MUC17: variants seen among roughly 807,000 people sequenced by gnomAD.
The protein encoded by MUC17 is mucin 17, cell surface associated, also known as mucin-17.
MUC17 carries 190 observed loss-of-function variants against 170.3 expected under a neutral mutation model. The observed-to-expected ratio is 1.12, with a 90% confidence interval of 0.99 to 1.26. The LOEUF is 1.26. Ranked by LOEUF, MUC17 falls within the 50% of genes most tolerant of loss-of-function variation. The pLI, the probability that MUC17 is intolerant of heterozygous loss-of-function variation, is 0.00. For missense variants in MUC17, 6,415 were observed against 5,530.0 expected (o/e 1.16, Z -5.08); for synonymous variants, 2,325 against 2,002.5 (o/e 1.16, Z -4.30).
At chr7:101,031,028 C>T (rs80250975) in intron 1 of MUC17, 92 bp from the exon 2 acceptor site, 116,206 of 1,430,440 alleles carry the variant, frequency 0.081, 5,489 homozygotes, top group Middle Eastern at 0.095. Flanking sequence ...GGGCCAGGGA[C>T]TTTCCAGGGC....
In MUC17 at chr7:101,048,880, A is replaced by G. The variant is rs1168828101; in HGVS notation, c.12571A>G (p.Thr4191Ala). 4.3e-6 allele frequency: 7 copies of G among 1,613,990 alleles called. No homozygotes were observed. The highest frequency in any genetic ancestry group is 5.9e-6 in the Non-Finnish European group (7 of 1,180,028). ...GACTATCTCTGCCCAAATGGAACTG[A>G]CTGTGACAGTGACCAGTGTGAAGTT... ...PETISAQMEL[T>A]VTVTSVKFTE... The change falls in exon 5 of 13, where the codon ACT becomes GCT. Residue 4191 changes from threonine to alanine, a missense_variant. Coordinates refer to ENST00000306151, the MANE Select transcript of MUC17 (RefSeq NM_001040105.2).
rs1411880372 is a variant in MUC17, at chr7:101,038,848, A to G, written c.7432A>G (p.Thr2478Ala). The change falls in exon 3 of 13, where the codon ACA becomes GCA. Residue 2478 changes from threonine (T) to alanine (A), a missense_variant. Physicochemically the swap from Thr to Ala is moderately conservative, Grantham distance 58. Coordinates refer to ENST00000306151, the MANE Select transcript of MUC17 (RefSeq NM_001040105.2). ...VVSSEAGTLS[T>A]TPVDTSTPMT... ...CAGTTCTGAGGCTGGCACCCTTTCCACAACTCCTGTTGACACCAGCACACC... is the reference window on the plus strand; with the variant it reads ...CAGTTCTGAGGCTGGCACCCTTTCCGCAACTCCTGTTGACACCAGCACACC... 1 of 1,612,744 alleles carries G rather than the reference A, an allele frequency of 6.2e-7. No homozygotes were observed. The highest frequency in any genetic ancestry group is 1.1e-5 in the South Asian group (1 of 90,900).
In MUC17 at chr7:101,033,067, T is replaced by A. The variant is rs751364335; in HGVS notation, c.1651T>A (p.Ser551Thr). 8.7e-6 allele frequency: 14 copies of A among 1,612,492 alleles called. No individual in the cohort carries two copies. Among genetic ancestry groups the A allele is most frequent in the Non-Finnish European group, 1.2e-5 (14 of 1,179,776 alleles). ...GACCACTTCTAGTGAAGCCAGTTCA[T>A]CTTCTACAACTCCTGAAGGTACCAG... ...PVTTSSEASS[S>T]STTPEGTSIP... The change falls in exon 3 of 13, where the codon TCT (serine) becomes ACT (threonine). Residue 551 changes from serine to threonine, a missense_variant. Coordinates refer to ENST00000306151, the MANE Select transcript of MUC17 (RefSeq NM_001040105.2).
chr7:101,036,843 A>C lies in MUC17; in HGVS notation c.5427A>C (p.Pro1809=), dbSNP rs764283298. Residue 1809 remains proline (P), a synonymous_variant, in exon 3 of 13, where the codon CCA becomes CCC. Coordinates refer to ENST00000306151, the MANE Select transcript of MUC17 (RefSeq NM_001040105.2). ...PTSTLSEGMT[P]LTSTPVSHTL... ...CGACTCTTAGTGAAGGAATGACTCC[A>C]TTAACAAGCACACCTGTCAGCCACA... 1.9e-6 allele frequency: 3 copies of C among 1,605,514 alleles called. No homozygotes were observed. The highest frequency in any genetic ancestry group is 2.6e-6 in the Non-Finnish European group (3 of 1,175,622).
intron 12 of MUC17, among the ~76,000 whole-genome samples, chr7:101,057,317 T>A (rs1259710758): frequency 1.3e-5 from 2 of 152,198 alleles, no homozygotes; most frequent in African/African-American, 4.8e-5. Context: ...CGTCTTCAGG[T>A]GCTATGCTCC....
At position 101,034,002 on chromosome 7, in the gene MUC17, A is replaced by G. The variant is rs554342956; in HGVS notation, c.2586A>G (p.Glu862=). The change falls in exon 3 of 13, where the codon GAA becomes GAG. Residue 862 remains glutamate, a synonymous_variant. Transcript: ENST00000306151. ...GTSMPTSTYS[E]GRTPLTSMPV... Reference sequence around the variant, plus strand: ...GCATGCCAACCTCAACTTATAGTGAAGGAAGAACTCCTTTAACAAGTATGC... The same window carrying G: ...GCATGCCAACCTCAACTTATAGTGAGGGAAGAACTCCTTTAACAAGTATGC... 5.0e-6 allele frequency: 8 copies of G among 1,600,010 alleles called. 1 individual carries two copies. In the South Asian group the frequency reaches 7.8e-5, roughly 16 times the overall value.
chr7:101,049,964 C>G (rs1344655660), intron 6 of MUC17, among the ~76,000 whole-genome samples: 2 of 152,082 alleles, frequency 1.3e-5, no homozygotes, highest in African/African-American at 2.4e-5. Context: ...GACCTTGTCT[C>G]TACAAAAAAT....
chr7:101,043,110 T>G lies in MUC17; in HGVS notation c.11694T>G (p.Pro3898=), dbSNP rs1356457832. ...SFPGASIAST[P]PLDTSTTFTP... is the part of the protein sequence containing the mutation. The stretch of plus-strand genomic sequence containing the variant: ...CTGGGGCCAGCATAGCTTCGACACC[T>G]CCTCTTGACACAAGCACAACTTTTA... The change falls in exon 3 of 13, where the codon CCT becomes CCG. Residue 3898 remains proline (P), a synonymous_variant. Transcript: ENST00000306151. 1.2e-6 allele frequency: 2 copies of G among 1,614,006 alleles called. No individual in the cohort carries two copies.
In MUC17 at chr7:101,050,464, G is replaced by A. The variant is rs183373929; in HGVS notation, c.12723-20G>A. ...AAGCACCCTATTCTGACCCCAGGAC[G>A]TCTTCCCTTCCCTCTTCAGTCTTGG... On this transcript the variant is annotated intron_variant, in intron 6 of 12. Coordinates refer to ENST00000306151, the MANE Select transcript of MUC17 (RefSeq NM_001040105.2). 3.2e-5 allele frequency: 51 copies of A among 1,610,120 alleles called. No homozygotes were observed. The highest frequency in any genetic ancestry group is 4.0e-5 in the African/African-American group (3 of 74,952).
chr7:101,056,966 C>G (rs1795056858), intron 12 of MUC17, among the ~76,000 whole-genome samples: 1 of 151,798 alleles, frequency 6.6e-6, no homozygotes, highest in Non-Finnish European at 1.5e-5. Context: ...TTTTAAGAGT[C>G]TAGGATGGTT....
At chr7:101,043,920 C>T in intron 3 of MUC17, 101 bp downstream of exon 3, 2 of 1,146,918 alleles carry the variant, frequency 1.7e-6, no homozygotes, top group Non-Finnish European at 2.4e-6. Flanking sequence ...ATACGTGTGC[C>T]ATGTTGGTTT....
rs1452454803 is a variant in MUC17 at position 101,037,368 on chromosome 7, C to A, written c.5952C>A (p.Ser1984Arg). The change falls in exon 3 of 13, where the codon AGC (serine) becomes AGA (arginine). Residue 1984 changes from serine to arginine, a missense_variant. Coordinates refer to ENST00000306151, the MANE Select transcript of MUC17 (RefSeq NM_001040105.2). ...SMPTPAYSEGSTPLTSMPLST... is the reference protein window; with the variant it reads ...SMPTPAYSEGRTPLTSMPLST... Reference sequence around the variant, plus strand: ...CAACCCCAGCTTATAGTGAAGGAAGCACTCCACTAACAAGTATGCCTCTCA... The same window carrying A: ...CAACCCCAGCTTATAGTGAAGGAAGAACTCCACTAACAAGTATGCCTCTCA... 7 of 1,613,952 alleles carry A rather than the reference C, an allele frequency of 4.3e-6. No homozygotes were observed. The highest frequency in any genetic ancestry group is 5.9e-6 in the Non-Finnish European group (7 of 1,179,930).
At position 101,033,003 on chromosome 7, in the gene MUC17, C is replaced by T; in HGVS notation, c.1587C>T (p.Ser529=). 1 of 1,614,112 alleles carries T rather than the reference C, an allele frequency of 6.2e-7. No homozygotes were observed. The highest frequency in any genetic ancestry group is 8.5e-7 in the Non-Finnish European group (1 of 1,180,034). Residue 529 remains serine, a synonymous_variant, in exon 3 of 13, where the codon AGC becomes AGT. Coordinates refer to ENST00000306151, the MANE Select transcript of MUC17 (RefSeq NM_001040105.2). ...TGCCGGTGGCCAGTTCTGAGGCTAG[C>T]ACCCTTTCAACAACTCCTGTTGACA... ...STMPVASSEA[S]TLSTTPVDTS...
In MUC17 at chr7:101,036,317, C is replaced by T. The variant is rs543560929; in HGVS notation, c.4901C>T (p.Thr1634Ile). The T allele has an allele frequency of 3.7e-6, 6 of 1,613,484 alleles. No homozygotes were observed. The highest frequency in any genetic ancestry group is 4.2e-6 in the Non-Finnish European group (5 of 1,179,858). ...CCTAGTGAAGGAAGTCCTCTATTAA[C>T]AAGTATACCTGTCAGCACCACGCCG... ...STPSEGSPLL[T>I]SIPVSTTPVA... The change falls in exon 3 of 13, where the codon ACA (threonine) becomes ATA (isoleucine). Residue 1634 changes from threonine to isoleucine, a missense_variant. Thr to Ile is a moderately conservative substitution (Grantham distance 89). Coordinates refer to ENST00000306151, the MANE Select transcript of MUC17 (RefSeq NM_001040105.2).
Position 101,042,939 on chromosome 7 carries a change from T to C in MUC17, c.11523T>C (p.Asp3841=), listed in dbSNP as rs1414857413. The C allele has an allele frequency of 5.6e-6, 9 of 1,614,044 alleles. No individual in the cohort carries two copies. The highest frequency in any genetic ancestry group is 6.8e-6 in the Non-Finnish European group (8 of 1,179,994). ...GCACACTTTCAACACCTCCTGGTGA[T>C]ACCAGCACACCTTTGCTCACCTCTA... is the stretch of plus-strand genomic sequence containing the variant. ...EASTLSTPPG[D]TSTPLLTSTK... is the part of the protein sequence containing the mutation. The change falls in exon 3 of 13, where the codon GAT becomes GAC. Residue 3841 remains aspartate, a synonymous_variant. Transcript: ENST00000306151.
Position 101,040,312 on chromosome 7 carries a change from A to G in MUC17, c.8896A>G (p.Ser2966Gly), listed in dbSNP as rs767296780. 1 of 1,612,154 alleles carries G rather than the reference A, an allele frequency of 6.2e-7. No individual in the cohort carries two copies. The highest frequency in any genetic ancestry group is 8.5e-7 in the Non-Finnish European group (1 of 1,179,274). ...RTPVTTSAEA[S>G]SSPTTAEGTS... ...ACCTGTCACCACTTCTGCTGAAGCT[A>G]GTTCTTCTCCTACAACTGCTGAAGG... Residue 2966 changes from serine to glycine, a missense_variant, in exon 3 of 13, where the codon AGT (serine) becomes GGT (glycine). Ser to Gly is a moderately conservative substitution (Grantham distance 56). Coordinates refer to ENST00000306151, the MANE Select transcript of MUC17 (RefSeq NM_001040105.2).
chr7:101,037,161 C>A lies in MUC17; in HGVS notation c.5745C>A (p.Ser1915Arg). ...SSSPTTADGS[S>R]MPTSTPREGR... ...CTCCTACAACTGCTGACGGTAGCAG[C>A]ATGCCAACCTCAACTCCTAGGGAAG... The change falls in exon 3 of 13, where the codon AGC becomes AGA. Residue 1915 changes from serine (S) to arginine (R), a missense_variant. By Grantham distance (110) the Ser-to-Arg change is moderately radical. Coordinates refer to ENST00000306151, the MANE Select transcript of MUC17 (RefSeq NM_001040105.2). 1 of 1,612,722 alleles carries A rather than the reference C, an allele frequency of 6.2e-7. No homozygotes were observed. Among genetic ancestry groups the A allele is most frequent in the African/African-American group, 1.3e-5 (1 of 74,928 alleles).
chr7:101,040,795 A>G lies in MUC17; in HGVS notation c.9379A>G (p.Thr3127Ala), dbSNP rs1212600023. 2.5e-5 allele frequency: 41 copies of G among 1,612,796 alleles called. No homozygotes were observed. The South Asian group carries it at 3.6e-4, about 14-fold the overall frequency. The change falls in exon 3 of 13, where the codon ACA becomes GCA. Residue 3127 changes from threonine to alanine, a missense_variant. Coordinates refer to ENST00000306151, the MANE Select transcript of MUC17 (RefSeq NM_001040105.2). ...CAGTTCTGCAATCAGCACCCTTTCA[A>G]CAACTCCTGTTGACACCAGCACACC... Reference protein sequence around the residue: ...VTSSAISTLSTTPVDTSTPVT... With the variant: ...VTSSAISTLSATPVDTSTPVT...
Position 101,038,700 on chromosome 7 carries a change from C to T in MUC17, c.7284C>T (p.Val2428=), listed in dbSNP as rs749762236. 4 of 1,597,304 alleles carry T rather than the reference C, an allele frequency of 2.5e-6. No individual in the cohort carries two copies. The highest frequency in any genetic ancestry group is 2.3e-5 in the East Asian group (1 of 44,058). ...CTCCTGTTGACACCAGCACACCTGT[C>T]ACCACTTCTACTGAAGCCAGTTCAT... ...STTPVDTSTP[V]TTSTEASSSP... is the part of the protein sequence containing the mutation. The change falls in exon 3 of 13, where the codon GTC becomes GTT. Residue 2428 remains valine (V), a synonymous_variant. Transcript: ENST00000306151.
Sources: gnomAD v4.1 joint callset for allele counts (sites outside exome capture counted in the v4.1 genomes callset) on GRCh38, gnomAD v4.1.1 for gene constraint, MANE v1.5 for transcripts, NCBI Gene and HGNC (gene_info 2026-07-23, HGNC 2026-07-21) for gene names.